FRK: variants seen among roughly 807,000 people sequenced by gnomAD.
FRK encodes the protein tyrosine-protein kinase FRK.
In FRK, 51 loss-of-function variants were observed where a neutral mutation model predicts 56.4. That is an observed-to-expected ratio of 0.90 (90% confidence interval 0.72 to 1.14). The LOEUF (loss-of-function observed/expected upper bound fraction) is 1.14. Ranked by LOEUF, FRK falls within the 50% of genes most tolerant of loss-of-function variation. The pLI is 0.00. For synonymous variants in FRK, 245 were observed against 217.9 expected, an observed-to-expected ratio of 1.12 and a Z score of -1.10; for missense variants, 570 against 601.4, an observed-to-expected ratio of 0.95 and a Z score of 0.55.
chr6:116,014,491 G>C (rs1206709242), intron 1 of FRK, among the ~76,000 whole-genome samples: 1 of 151,850 alleles, frequency 6.6e-6, no homozygotes. Context: ...ACAAGGGTAT[G>C]TGCACAAGTG....
chr6:115,970,828 A>C (rs6934404), intron 2 of FRK, among the ~76,000 whole-genome samples: 7,722 of 152,234 alleles, frequency 0.051, 356 homozygotes, highest in African/African-American at 0.11. Context: ...CAGGAGGATC[A>C]CTTCAGCCCA....
chr6:116,092,556 A>T, the FRK span, among the ~76,000 whole-genome samples: 27,149 of 152,110 alleles, frequency 0.18, 2,906 homozygotes, highest in African/African-American at 0.29. Context: ...TTTTCAAGAA[A>T]GCATCAGTAA....
chr6:116,060,187 C>A lies in FRK; in HGVS notation c.125G>T (p.Arg42Met), dbSNP rs369155986. Residue 42 changes from arginine to methionine, a missense_variant, in exon 1 of 8, where the codon AGG becomes ATG. Arg to Met is a moderately conservative substitution (Grantham distance 91, BLOSUM62 -1). Transcript: ENST00000606080. ...PGALCSPQSQ[R>M]HGHYFVALFD... Reference sequence around the variant, plus strand: ...CAAAGCCACAAAGTAGTGGCCATGCCTCTGTGACTGGGGAGAGCAAAGGGC... The same window carrying A: ...CAAAGCCACAAAGTAGTGGCCATGCATCTGTGACTGGGGAGAGCAAAGGGC... 39 of 1,614,170 alleles carry A rather than the reference C, an allele frequency of 2.4e-5. No homozygotes were observed. The African/African-American group carries it at 3.9e-4, about 16-fold the overall frequency.
chr6:116,087,318 GA>G, the FRK span, among the ~76,000 whole-genome samples: 73 of 151,960 alleles, frequency 4.8e-4, no homozygotes, highest in Non-Finnish European at 6.8e-4. Context: ...CATTTAAAAA[GA>G]AAAAAATAGA....
At chr6:116,026,678 G>T (rs1776106795) in intron 1 of FRK, among the ~76,000 whole-genome samples, 1 of 151,872 alleles carries the variant, frequency 6.6e-6, no homozygotes, top group Admixed American at 6.6e-5. Context: ...GTCTTTCAAG[G>T]AGCCAAATTC....
rs1029573121 is a variant in FRK at position 115,942,706 on chromosome 6, T to G, written c.1307-81A>C. The G allele has an allele frequency of 3.4e-6, 4 of 1,177,952 alleles. No homozygotes were observed. In the African/African-American group the frequency reaches 6.1e-5, roughly 18 times the overall value. The allele number at this position is 1,177,952 out of a possible 1,614,324, so 73.0% of individuals were successfully genotyped here. ...GTCTTAAACTTATAGCCATTTATACTCTAGGTTACTAAGTAAGTCAATTTC... is the reference window on the plus strand; with the variant it reads ...GTCTTAAACTTATAGCCATTTATACGCTAGGTTACTAAGTAAGTCAATTTC... On this transcript the variant is annotated intron_variant, in intron 7 of 7. Transcript: ENST00000606080.
intron 3 of FRK, 102 bp from the exon 4 acceptor site, chr6:115,967,821 TAAAAC>T (rs1773647900): frequency 2.3e-6 from 2 of 880,242 alleles, no homozygotes; most frequent in South Asian, 2.3e-5. Context: ...TAAAACTTCT[TAAAAC>T]AAAATATTGT....
chr6:116,085,412 T>G, the FRK span, among the ~76,000 whole-genome samples: 7 of 152,218 alleles, frequency 4.6e-5, no homozygotes, highest in South Asian at 2.1e-4. Context: ...TTGCTTCTCT[T>G]TTTTGTTGTT....
At chr6:116,083,929 G>A in the FRK span, among the ~76,000 whole-genome samples, 1 of 151,692 alleles carries the variant, frequency 6.6e-6, no homozygotes, top group Non-Finnish European at 1.5e-5. Context: ...CCAAAGCACT[G>A]GGATTACAGG....
At chr6:116,083,661 A>G in the FRK span, among the ~76,000 whole-genome samples, 22 of 152,188 alleles carry the variant, frequency 1.4e-4, no homozygotes, top group Admixed American at 1.4e-3. Context: ...AGTGGGACCC[A>G]AAAATTTGTT....
chr6:116,059,160 G>A (rs1777515703), intron 1 of FRK, among the ~76,000 whole-genome samples: 1 of 152,048 alleles, frequency 6.6e-6, no homozygotes, highest in Non-Finnish European at 1.5e-5. Flanking sequence ...CACTTGGAGG[G>A]GTGGTAGGTG....
At chr6:116,081,612 C>A in the FRK span, among the ~76,000 whole-genome samples, 26 of 151,966 alleles carry the variant, frequency 1.7e-4, no homozygotes, top group African/African-American at 6.0e-4. Context: ...GACCCGAGAC[C>A]ATGCCACTGC....
At chr6:115,988,802 A>G (rs962044636) in intron 2 of FRK, among the ~76,000 whole-genome samples, 1 of 152,106 alleles carries the variant, frequency 6.6e-6, no homozygotes, top group Non-Finnish European at 1.5e-5. Flanking sequence ...AATTTCTTAC[A>G]TATCTTATTT....
chr6:116,005,845 C>A (rs564659722), intron 1 of FRK, among the ~76,000 whole-genome samples: 6 of 152,148 alleles, frequency 3.9e-5, no homozygotes, highest in Non-Finnish European at 7.4e-5. Flanking sequence ...CATTAATAAT[C>A]CATATGGGAA....
At chr6:116,096,724 CA>C in the FRK span, among the ~76,000 whole-genome samples, 1 of 152,184 alleles carries the variant, frequency 6.6e-6, no homozygotes, top group Admixed American at 6.5e-5. Context: ...TGTGCAGGGA[CA>C]AATAAGGGAA....
chr6:116,035,229 TG>T (rs1776432619), intron 1 of FRK, among the ~76,000 whole-genome samples: 1 of 152,034 alleles, frequency 6.6e-6, no homozygotes, highest in Non-Finnish European at 1.5e-5. Context: ...ATACTGATTT[TG>T]TTTGCTGCTG....
At chr6:116,032,200 G>A (rs57724149) in intron 1 of FRK, among the ~76,000 whole-genome samples, 3,157 of 152,070 alleles carry the variant, frequency 0.021, 103 homozygotes, top group African/African-American at 0.066. Flanking sequence ...AAATCATAAA[G>A]TGAAAGACTA....
At chr6:116,035,856 C>A (rs571588393) in intron 1 of FRK, among the ~76,000 whole-genome samples, 2 of 151,968 alleles carry the variant, frequency 1.3e-5, no homozygotes, top group African/African-American at 4.8e-5. Flanking sequence ...TTTCTATTTA[C>A]AGTAGAGAGA....
At chr6:116,059,471 T>G (rs985043967) in intron 1 of FRK, among the ~76,000 whole-genome samples, 47 of 152,220 alleles carry the variant, frequency 3.1e-4, no homozygotes, top group African/African-American at 1.1e-3. Flanking sequence ...GTCTTCTACA[T>G]TAGCCCTGTA....
Sources: gnomAD v4.1 joint callset for allele counts (sites outside exome capture counted in the v4.1 genomes callset) on GRCh38, gnomAD v4.1.1 for gene constraint, MANE v1.5 for transcripts, NCBI Gene and HGNC (gene_info 2026-07-23, HGNC 2026-07-21) for gene names.